ASAP1: variants seen among roughly 807,000 people sequenced by gnomAD.
The protein encoded by ASAP1 is ArfGAP with SH3 domain, ankyrin repeat and PH domain 1.
Under a neutral mutation model 145.2 loss-of-function variants are expected in ASAP1, and 43 were observed. That is an observed-to-expected ratio of 0.30 (90% CI 0.23 to 0.38). ASAP1 has a LOEUF of 0.38. Among genes scored for constraint, ASAP1 ranks in the 10% least tolerant of loss-of-function variants. The pLI, the probability that ASAP1 is intolerant of heterozygous loss-of-function variation, is 1.00. For synonymous variants in ASAP1, 546 were observed against 515.5 expected (o/e 1.06, Z -0.80); for missense variants, 1,018 against 1,355.3 (o/e 0.75, Z 3.91).
intron 9 of ASAP1, among the ~76,000 whole-genome samples, chr8:130,176,064 C>T (rs1272976763): frequency 6.6e-6 from 1 of 152,148 alleles, no homozygotes; most frequent in Non-Finnish European, 1.5e-5. Flanking sequence ...TGAAATTGAG[C>T]AGTAATTAGT....
intron 5 of ASAP1, among the ~76,000 whole-genome samples, chr8:130,193,792 G>A (rs991859406): frequency 2.0e-5 from 3 of 152,200 alleles, no homozygotes; most frequent in Admixed American, 6.5e-5. Flanking sequence ...GAATGTGCAG[G>A]TTGTTCCAAA....
intron 3 of ASAP1, among the ~76,000 whole-genome samples, chr8:130,331,317 T>C (rs934103552): frequency 2.0e-5 from 3 of 152,184 alleles, no homozygotes; most frequent in African/African-American, 4.8e-5. Flanking sequence ...ATGATGGAAC[T>C]GCCAAGCCCA....
At position 130,060,760 on chromosome 8, in the gene ASAP1, G is replaced by T; in HGVS notation, c.3011C>A (p.Thr1004Asn). The T allele has an allele frequency of 6.2e-7, 1 of 1,614,178 alleles. No individual in the cohort carries two copies. The highest frequency in any genetic ancestry group is 1.1e-5 in the South Asian group (1 of 91,078). ...QLGDLLAKSQ[T>N]GDVSPKAQQP... ...CTGAGCCTTGGGTGAGACATCTCCA[G>T]TCTGGGATTTTGCTAGCAGGTCTCC... Residue 1004 changes from threonine to asparagine, a missense_variant, in exon 28 of 30, where the codon ACT becomes AAT. Thr to Asn is a moderately conservative substitution (Grantham distance 65). Transcript: ENST00000518721.
intron 7 of ASAP1, among the ~76,000 whole-genome samples, chr8:130,186,686 C>G (rs907804124): frequency 1.3e-5 from 2 of 152,198 alleles, no homozygotes; most frequent in Non-Finnish European, 2.9e-5. Flanking sequence ...TGAATGCTAG[C>G]TGGACACATA....
At chr8:130,322,196 C>T (rs1284743376) in intron 3 of ASAP1, among the ~76,000 whole-genome samples, 2 of 151,646 alleles carry the variant, frequency 1.3e-5, no homozygotes, top group Admixed American at 1.3e-4. Context: ...CAAAAGAAGG[C>T]TATGTAGGTA....
At chr8:130,310,183 G>A (rs1244225478) in intron 3 of ASAP1, among the ~76,000 whole-genome samples, 2 of 151,748 alleles carry the variant, frequency 1.3e-5, no homozygotes, top group East Asian at 3.9e-4. Flanking sequence ...TAAAGATAGA[G>A]GGATTAAATG....
At chr8:130,081,324 G>A (rs1161456638) in intron 25 of ASAP1, among the ~76,000 whole-genome samples, 2 of 152,150 alleles carry the variant, frequency 1.3e-5, no homozygotes, top group Admixed American at 6.5e-5. Flanking sequence ...TTTTGTGGTG[G>A]GCAGAGTGCA....
intron 26 of ASAP1, among the ~76,000 whole-genome samples, 176 bp from the exon 27 acceptor site, chr8:130,076,582 C>T (rs955989934): frequency 4.6e-5 from 7 of 152,142 alleles, no homozygotes; most frequent in African/African-American, 9.6e-5. Flanking sequence ...AGTGTAGTGG[C>T]GCGATCTCTG....
intron 5 of ASAP1, among the ~76,000 whole-genome samples, chr8:130,203,226 A>C (rs1350088247): frequency 6.6e-6 from 1 of 152,240 alleles, no homozygotes; most frequent in Non-Finnish European, 1.5e-5. Context: ...CAAATAAATT[A>C]GAAAGCACTG....
intron 2 of ASAP1, among the ~76,000 whole-genome samples, chr8:130,397,038 G>T (rs1001870000): frequency 3.3e-5 from 5 of 152,138 alleles, no homozygotes; most frequent in Admixed American, 6.6e-5. Flanking sequence ...AACGGGTCTT[G>T]TTCTTTATTC....
At chr8:130,234,360 G>A (rs558396258) in intron 4 of ASAP1, among the ~76,000 whole-genome samples, 3 of 151,930 alleles carry the variant, frequency 2.0e-5, no homozygotes, top group South Asian at 4.1e-4. Flanking sequence ...TACAAACCTA[G>A]GAGGAGGGCA....
chr8:130,323,259 C>T (rs1486965081), intron 3 of ASAP1, among the ~76,000 whole-genome samples: 1 of 152,186 alleles, frequency 6.6e-6, no homozygotes, highest in Non-Finnish European at 1.5e-5. Flanking sequence ...CAAGCCTGAA[C>T]ATTACGGACT....
intron 3 of ASAP1, among the ~76,000 whole-genome samples, chr8:130,291,625 T>C (rs1297738034): frequency 1.3e-5 from 2 of 152,152 alleles, no homozygotes; most frequent in Non-Finnish European, 2.9e-5. Context: ...GCTGATAAGT[T>C]TGACGAGTGA....
At chr8:130,296,525 T>C (rs75988506) in intron 3 of ASAP1, among the ~76,000 whole-genome samples, 105 of 148,014 alleles carry the variant, frequency 7.1e-4, no homozygotes, top group South Asian at 2.7e-3. Context: ...TTTTTTTTTT[T>C]CCCATTTGCT....
intron 3 of ASAP1, 94 bp downstream of exon 3, chr8:130,357,923 C>A: frequency 6.8e-7 from 1 of 1,480,274 alleles, no homozygotes; most frequent in Non-Finnish European, 9.0e-7. Context: ...GCCCCCGGCC[C>A]CCGCGTCCCC....
chr8:130,108,757 G>GTTTTT (rs10568607), intron 24 of ASAP1, among the ~76,000 whole-genome samples: 124 of 51,562 alleles, frequency 2.4e-3, no homozygotes, highest in Non-Finnish European at 2.7e-3. Flanking sequence ...TCAAAAACCA[G>GTTTTT]TTTTTTTTTT....
In ASAP1 at chr8:130,060,896, G is replaced by C. The variant is rs1417952184; in HGVS notation, c.2875C>G (p.Pro959Ala). 2 of 1,613,084 alleles carry C rather than the reference G, an allele frequency of 1.2e-6. No homozygotes were observed. Among genetic ancestry groups the C allele is most frequent in the Non-Finnish European group, 1.7e-6 (2 of 1,179,298 alleles). Residue 959 changes from proline to alanine, a missense_variant, in exon 28 of 30, where the codon CCA (proline) becomes GCA (alanine). By Grantham distance (27) the Pro-to-Ala change is conservative. Transcript: ENST00000518721. ...KPQIGDLPPKPGELPPKPQLG... is the reference protein window; with the variant it reads ...KPQIGDLPPKAGELPPKPQLG... ...TGTGGTTTGGGGGGCAGTTCTCCTG[G>C]CTTAGGCGGCAAATCTCCAATTTGG...
rs376287760 is a variant in ASAP1, at chr8:130,180,924, C to T, written c.531-44G>A. On this transcript the variant is annotated intron_variant, in intron 7 of 29. Transcript: ENST00000518721. The stretch of plus-strand genomic sequence containing the variant: ...TCATTATTTAAAAAAAAAAAATACA[C>T]TCATGTACAATACCAACAGCAGATC... The T allele has an allele frequency of 6.3e-6, 9 of 1,425,850 alleles. No homozygotes were observed. The African/African-American group carries it at 1.2e-4, about 18-fold the overall frequency. The allele number at this position is 1,425,850 out of a possible 1,614,324, so 88.3% of individuals were successfully genotyped here.
rs76036656 is a variant in ASAP1, at chr8:130,347,888, C to T, written c.186+10129G>A. 8.5e-5 allele frequency among the ~76,000 whole-genome samples: 13 copies of T among 152,308 alleles called. No homozygotes were observed. The East Asian group carries it at 2.5e-3, about 29-fold the overall frequency. ...ATAAAATATCTCCCATGAATCCTTC[C>T]AATAAGTCCCCATTTTGCTTTAACC... On this transcript the variant is annotated intron_variant, in intron 3 of 29. Coordinates refer to ENST00000518721, the MANE Select transcript of ASAP1 (RefSeq NM_018482.4).
Sources: allele counts gnomAD v4.1 joint callset (sites outside exome capture counted in the v4.1 genomes callset), GRCh38; gene constraint gnomAD v4.1.1; transcripts MANE v1.5; gene names NCBI Gene and HGNC (gene_info 2026-07-23, HGNC 2026-07-21).